Variants in SORCS3 observed in about 807,000 individuals in gnomAD.
SORCS3 encodes sortilin related VPS10 domain containing receptor 3, also known as VPS10 domain-containing receptor SorCS3.
Under a neutral mutation model 146.3 loss-of-function variants are expected in SORCS3, and 57 were observed. The observed-to-expected ratio is 0.39, with a 90% CI of 0.31 to 0.49. The LOEUF (loss-of-function observed/expected upper bound fraction) is 0.49, where lower values mean the gene tolerates loss of function less well. Among genes scored for constraint, SORCS3 ranks in the 20% least tolerant of loss-of-function variants. The pLI is 0.92. For synonymous variants in SORCS3, 653 were observed against 618.5 expected (o/e 1.06, Z -0.83); for missense variants, 1,341 against 1,575.5 (o/e 0.85, Z 2.52).
At chr10:105,032,675 G>A (rs1235177333) in intron 4 of SORCS3, among the ~76,000 whole-genome samples, 1 of 152,092 alleles carries the variant, frequency 6.6e-6, no homozygotes, top group Admixed American at 6.6e-5. Context: ...CTTAGAGATA[G>A]TAATTTAAAT....
chr10:105,177,445 C>CA (rs1392305137), intron 13 of SORCS3, among the ~76,000 whole-genome samples: 1 of 152,108 alleles, frequency 6.6e-6, no homozygotes, highest in East Asian at 1.9e-4. Context: ...GTCTCTTCCA[C>CA]TAGTTACATC....
chr10:104,930,565 T>C (rs1308440690), intron 3 of SORCS3, among the ~76,000 whole-genome samples: 3 of 152,154 alleles, frequency 2.0e-5, no homozygotes, highest in East Asian at 3.9e-4. Context: ...TTCTGAAACA[T>C]AGGACAAACA....
chr10:105,089,015 C>G (rs941992927), intron 5 of SORCS3, among the ~76,000 whole-genome samples: 9 of 152,196 alleles, frequency 5.9e-5, no homozygotes, highest in Admixed American at 3.9e-4. Context: ...TTTCAGTGGA[C>G]TTTTTGGGCC....
At chr10:104,781,376 T>A (rs915310099) in intron 1 of SORCS3, among the ~76,000 whole-genome samples, 1 of 152,248 alleles carries the variant, frequency 6.6e-6, no homozygotes, top group African/African-American at 2.4e-5. Flanking sequence ...ATGTGGTATG[T>A]GTGTCACAGT....
At chr10:105,253,367 A>G (rs2056912441) in intron 23 of SORCS3, among the ~76,000 whole-genome samples, 1 of 152,224 alleles carries the variant, frequency 6.6e-6, no homozygotes, top group Admixed American at 6.5e-5. Context: ...ACTGCCTTCA[A>G]ACATGATTTT....
At chr10:104,920,911 C>T (rs1031264547) in intron 3 of SORCS3, among the ~76,000 whole-genome samples, 3 of 152,158 alleles carry the variant, frequency 2.0e-5, no homozygotes, top group East Asian at 1.9e-4. Flanking sequence ...TTTGTATACC[C>T]GGTTGTTTGC....
chr10:104,898,459 T>C (rs926737989), intron 2 of SORCS3, among the ~76,000 whole-genome samples: 2 of 152,206 alleles, frequency 1.3e-5, no homozygotes, highest in Non-Finnish European at 2.9e-5. Flanking sequence ...TTGGGGGCCA[T>C]AAGTAATTAA....
chr10:104,797,151 C>T (rs570304683), intron 1 of SORCS3, among the ~76,000 whole-genome samples: 1 of 152,148 alleles, frequency 6.6e-6, no homozygotes, highest in Non-Finnish European at 1.5e-5. Context: ...TGACATTTCC[C>T]ATTTTTTTCC....
chr10:105,192,299 G>C (rs774336119), intron 14 of SORCS3, among the ~76,000 whole-genome samples: 1 of 151,962 alleles, frequency 6.6e-6, no homozygotes, highest in African/African-American at 2.4e-5. Flanking sequence ...TTGACCTAAG[G>C]CTTACAGAAT....
chr10:104,976,202 A>G (rs922597652), intron 3 of SORCS3, among the ~76,000 whole-genome samples: 1 of 152,216 alleles, frequency 6.6e-6, no homozygotes, highest in Non-Finnish European at 1.5e-5. Context: ...ATGAACTCAA[A>G]CAAATTTACA....
intron 2 of SORCS3, among the ~76,000 whole-genome samples, chr10:104,883,720 G>A (rs1414726634): frequency 6.6e-6 from 1 of 152,146 alleles, no homozygotes. Flanking sequence ...AAGGAGACAG[G>A]GGTCTTTTCA....
chr10:104,883,290 T>A (rs2018648913), intron 2 of SORCS3, among the ~76,000 whole-genome samples: 1 of 152,112 alleles, frequency 6.6e-6, no homozygotes, highest in Non-Finnish European at 1.5e-5. Context: ...ACAACACCCC[T>A]CAGTAAAGTT....
intron 20 of SORCS3, among the ~76,000 whole-genome samples, chr10:105,235,280 G>A (rs1384850381): frequency 6.6e-6 from 1 of 152,060 alleles, no homozygotes; most frequent in Non-Finnish European, 1.5e-5. Context: ...GTGCTCTGAT[G>A]TGTATTTCAG....
At chr10:104,767,351 G>A (rs1406732487) in intron 1 of SORCS3, among the ~76,000 whole-genome samples, 1 of 152,112 alleles carries the variant, frequency 6.6e-6, no homozygotes, top group Non-Finnish European at 1.5e-5. Context: ...AAATCACTGA[G>A]TAAAGGAAAA....
At chr10:104,730,083 A>G (rs77262073) in intron 1 of SORCS3, among the ~76,000 whole-genome samples, 1,703 of 152,320 alleles carry the variant, frequency 0.011, 34 homozygotes, top group African/African-American at 0.039. Flanking sequence ...GCTATTGGGA[A>G]TGAACAAGAT....
chr10:104,930,084 A>G (rs528977976), intron 3 of SORCS3, among the ~76,000 whole-genome samples: 9 of 152,372 alleles, frequency 5.9e-5, no homozygotes, highest in African/African-American at 1.9e-4. Flanking sequence ...TGAAATGAAG[A>G]AAACGATAAA....
intron 1 of SORCS3, among the ~76,000 whole-genome samples, chr10:104,784,257 G>A (rs143512782): frequency 1.3e-5 from 2 of 152,280 alleles, no homozygotes; most frequent in East Asian, 3.9e-4. Flanking sequence ...AGACATTTTT[G>A]GTGGTCACAA....
intron 1 of SORCS3, among the ~76,000 whole-genome samples, chr10:104,707,130 CAT>C (rs1354366759): frequency 6.6e-6 from 1 of 152,162 alleles, no homozygotes; most frequent in African/African-American, 2.4e-5. Context: ...GCCAGAAAAA[CAT>C]ACTGATGTAG....
chr10:104,915,993 C>T (rs2019023190), intron 3 of SORCS3, 61 bp downstream of exon 3: 1 of 1,325,752 alleles, frequency 7.5e-7, no homozygotes, highest in Non-Finnish European at 1.1e-6. Flanking sequence ...TGATTAGGGC[C>T]AGAGGTTAAG....
Sources: allele counts gnomAD v4.1 joint callset (sites outside exome capture counted in the v4.1 genomes callset), GRCh38; gene constraint gnomAD v4.1.1; transcripts MANE v1.5; gene names NCBI Gene and HGNC (gene_info 2026-07-23, HGNC 2026-07-21).